The following ENTREP1 variants were observed in gnomAD, a reference collection of about 807,000 sequenced individuals.
The protein encoded by ENTREP1 is endosomal transmembrane epsin interactor 1.
chr9:69,370,481 A>G, the ENTREP1 span, among the ~76,000 whole-genome samples: 5 of 152,220 alleles, frequency 3.3e-5, no homozygotes, highest in South Asian at 2.1e-4. Context: ...CAGTAACAAC[A>G]GCAGCTTCCA....
At chr9:69,362,425 A>G in the ENTREP1 span, among the ~76,000 whole-genome samples, 1 of 152,318 alleles carries the variant, frequency 6.6e-6, no homozygotes, top group East Asian at 1.9e-4. Flanking sequence ...TGGGGGTACA[A>G]TTACCAGAGA....
the ENTREP1 span, chr9:69,379,748 T>A: frequency 6.6e-6 from 1 of 152,220 alleles, no homozygotes; most frequent in Non-Finnish European, 1.5e-5. Context: ...ATGAGCACTC[T>A]GTTGACCTAG....
chr9:69,337,733 T>C, the ENTREP1 span, among the ~76,000 whole-genome samples: 1 of 152,224 alleles, frequency 6.6e-6, no homozygotes, highest in Non-Finnish European at 1.5e-5. Flanking sequence ...AGTTTCCAAC[T>C]TTTAATGATA....
At chr9:69,374,713 G>T in the ENTREP1 span, among the ~76,000 whole-genome samples, 1 of 152,152 alleles carries the variant, frequency 6.6e-6, no homozygotes, top group Non-Finnish European at 1.5e-5. Context: ...AAAGGTGACA[G>T]GGGGAAGACA....
the ENTREP1 span, among the ~76,000 whole-genome samples, chr9:69,330,229 A>C: frequency 6.6e-6 from 1 of 152,162 alleles, no homozygotes; most frequent in African/African-American, 2.4e-5. Context: ...GCCACACTGC[A>C]CTAGATTTAA....
chr9:69,384,077 G>T, the ENTREP1 span: 11 of 1,392,882 alleles, frequency 7.9e-6, no homozygotes, highest in Non-Finnish European at 1.0e-5. Context: ...GATAAAATAG[G>T]CTGGGCAAGG....
the ENTREP1 span, among the ~76,000 whole-genome samples, chr9:69,385,265 CT>C: frequency 6.6e-6 from 1 of 152,168 alleles, no homozygotes; most frequent in Non-Finnish European, 1.5e-5. Context: ...ACAACTCAGG[CT>C]CACAGTTTTA....
At chr9:69,387,671 G>A in the ENTREP1 span, 1 of 318,818 alleles carries the variant, frequency 3.1e-6, no homozygotes, top group Non-Finnish European at 6.1e-6. Context: ...CCTTGAGGAC[G>A]TTTGGGACAA....
the ENTREP1 span, among the ~76,000 whole-genome samples, chr9:69,358,902 C>CTTTTTT: frequency 2.1e-5 from 2 of 96,368 alleles, no homozygotes; most frequent in Non-Finnish European, 2.1e-5. Flanking sequence ...CTTTTTCTTT[C>CTTTTTT]TTTTTTTTTT....
the ENTREP1 span, among the ~76,000 whole-genome samples, chr9:69,355,168 T>C: frequency 2.0e-5 from 3 of 152,208 alleles, no homozygotes; most frequent in Admixed American, 1.3e-4. Flanking sequence ...ACTTAAAGTT[T>C]CTCAAATTTA....
At chr9:69,383,616 G>C in the ENTREP1 span, 1 of 1,613,988 alleles carries the variant, frequency 6.2e-7, no homozygotes, top group Non-Finnish European at 8.5e-7. Context: ...CTGACGCCAA[G>C]TCGCTTTTCC....
the ENTREP1 span, among the ~76,000 whole-genome samples, chr9:69,349,517 A>G: frequency 6.6e-6 from 1 of 152,086 alleles, no homozygotes; most frequent in Non-Finnish European, 1.5e-5. Context: ...TTGATGTTCA[A>G]CATCTTTTTA....
chr9:69,340,612 CAT>C, the ENTREP1 span, among the ~76,000 whole-genome samples: 4 of 116,644 alleles, frequency 3.4e-5, no homozygotes, highest in South Asian at 3.2e-4. Context: ...TGTGTGTGTG[CAT>C]GTGTGTGTGC....
chr9:69,375,729 C>T, the ENTREP1 span: 636,783 of 1,600,520 alleles, frequency 0.4, 131,948 homozygotes, highest in Admixed American at 0.48. Flanking sequence ...ACCTTTCCTC[C>T]GTTAAGGTGG....
chr9:69,364,912 C>T, the ENTREP1 span, among the ~76,000 whole-genome samples: 1 of 152,248 alleles, frequency 6.6e-6, no homozygotes, highest in East Asian at 1.9e-4. Flanking sequence ...TTGACTTTGA[C>T]TTGTACTTGG....
the ENTREP1 span, among the ~76,000 whole-genome samples, chr9:69,334,780 T>C: frequency 2.5e-4 from 35 of 140,120 alleles, no homozygotes; most frequent in African/African-American, 7.4e-4. Context: ...CTTTTCTTTT[T>C]TTTTTTTTTT....
chr9:69,367,433 G>A, the ENTREP1 span, among the ~76,000 whole-genome samples: 6 of 150,926 alleles, frequency 4.0e-5, no homozygotes. Flanking sequence ...TGAATCTTTA[G>A]ATTGCTCTGG....
chr9:69,340,160 T>C, the ENTREP1 span, among the ~76,000 whole-genome samples: 1 of 152,330 alleles, frequency 6.6e-6, no homozygotes, highest in African/African-American at 2.4e-5. Flanking sequence ...TCCAAAACCT[T>C]GTATTCATCC....
At chr9:69,367,332 T>C in the ENTREP1 span, among the ~76,000 whole-genome samples, 4 of 151,832 alleles carry the variant, frequency 2.6e-5, no homozygotes, top group Non-Finnish European at 5.9e-5. Flanking sequence ...TTGCTTTGGC[T>C]CTTTGGGCAT....
Sources: allele counts gnomAD v4.1 joint callset (sites outside exome capture counted in the v4.1 genomes callset), GRCh38; gene constraint gnomAD v4.1.1; transcripts MANE v1.5; gene names NCBI Gene and HGNC (gene_info 2026-07-23, HGNC 2026-07-21).